Variants in CDK13 observed in about 807,000 individuals in gnomAD.
The protein encoded by CDK13 is cyclin-dependent kinase 13.
Under a neutral mutation model 137.6 loss-of-function variants are expected in CDK13, and 40 were observed. That is an observed-to-expected ratio of 0.29 (90% CI 0.23 to 0.38). The LOEUF (loss-of-function observed/expected upper bound fraction) is 0.38. Among genes scored for constraint, CDK13 ranks in the 10% least tolerant of loss-of-function variants. The pLI, the probability that CDK13 is intolerant of heterozygous loss-of-function variation, is 1.00. For synonymous variants in CDK13, 869 were observed against 760.1 expected (o/e 1.14, Z -2.36); for missense variants, 1,704 against 1,951.8 (o/e 0.87, Z 2.39).
chr7:39,982,008 C>CT (rs1226391240), intron 1 of CDK13, among the ~76,000 whole-genome samples: 90 of 143,572 alleles, frequency 6.3e-4, no homozygotes, highest in Middle Eastern at 3.6e-3. Flanking sequence ...TTCTTTTTTT[C>CT]TTTTTTTTTA....
chr7:39,962,649 C>G (rs893878353), intron 1 of CDK13, among the ~76,000 whole-genome samples: 1 of 152,072 alleles, frequency 6.6e-6, no homozygotes, highest in Non-Finnish European at 1.5e-5. Context: ...AGATCCCGTT[C>G]GTCAATTTTG....
intron 1 of CDK13, among the ~76,000 whole-genome samples, chr7:39,982,017 T>TA (rs1166549065): frequency 6.6e-6 from 1 of 150,674 alleles, no homozygotes; most frequent in Non-Finnish European, 1.5e-5. Flanking sequence ...TCTTTTTTTT[T>TA]AATTATTATT....
At chr7:39,961,496 C>G (rs1397638958) in intron 1 of CDK13, among the ~76,000 whole-genome samples, 2 of 152,124 alleles carry the variant, frequency 1.3e-5, no homozygotes, top group Non-Finnish European at 1.5e-5. Flanking sequence ...ATCTCCCTTT[C>G]CCTATACACT....
At chr7:40,018,917 G>C (rs1785057357) in intron 5 of CDK13, among the ~76,000 whole-genome samples, 1 of 152,072 alleles carries the variant, frequency 6.6e-6, no homozygotes, top group Admixed American at 6.5e-5. Context: ...ATCAGGACTA[G>C]ATATAGCTAC....
At chr7:40,031,329 C>T (rs1785373193) in intron 5 of CDK13, among the ~76,000 whole-genome samples, 1 of 152,050 alleles carries the variant, frequency 6.6e-6, no homozygotes, top group Admixed American at 6.6e-5. Context: ...CAAGACCAGC[C>T]CGGCCAACAT....
intron 5 of CDK13, among the ~76,000 whole-genome samples, chr7:40,040,795 T>TAC (rs910604737): frequency 2.0e-5 from 3 of 152,216 alleles, no homozygotes; most frequent in African/African-American, 7.2e-5. Context: ...CTATTATATG[T>TAC]AATATTCTAC....
chr7:40,078,895 A>G (rs763456696), intron 11 of CDK13, 44 bp downstream of exon 11: 46 of 743,490 alleles, frequency 6.2e-5, no homozygotes, highest in Non-Finnish European at 7.3e-5. Flanking sequence ...TTATTATTAT[A>G]TTTATTATAT....
At chr7:40,053,037 A>C (rs2150521039) in intron 7 of CDK13, among the ~76,000 whole-genome samples, 1 of 152,344 alleles carries the variant, frequency 6.6e-6, no homozygotes, top group East Asian at 1.9e-4. Flanking sequence ...GATCTCATTT[A>C]GATCATTGAC....
chr7:39,950,848 C>CGCAGCCGCCGCCGCCGCG lies in CDK13; in HGVS notation c.210_227dup (p.Ala71_Ala76dup). On this transcript the variant is annotated inframe_insertion, in exon 1 of 14. Coordinates refer to ENST00000181839, the MANE Select transcript of CDK13 (RefSeq NM_003718.5). ...TGGCTGCTCCCGGCACGGCCGCCGC[C>CGCAGCCGCCGCCGCCGCG]GCAGCCGCCGCCGCCGCGGCCTCCT... 4 of 1,373,920 alleles carry CGCAGCCGCCGCCGCCGCG rather than the reference C, an allele frequency of 2.9e-6. No individual in the cohort carries two copies. The highest frequency in any genetic ancestry group is 3.7e-6 in the Non-Finnish European group (4 of 1,074,516). The allele number at this position is 1,373,920 out of a possible 1,614,324, so 85.1% of individuals were successfully genotyped here. A position where few individuals can be genotyped will look rare whatever the true frequency, so the allele number is the denominator to read the frequency against.
intron 5 of CDK13, among the ~76,000 whole-genome samples, chr7:40,013,425 TA>T (rs1366671418): frequency 1.3e-5 from 2 of 152,134 alleles, no homozygotes; most frequent in African/African-American, 4.8e-5. Flanking sequence ...CGCCACAATT[TA>T]AAAAAATTAA....
At chr7:40,091,077 G>A (rs533521368) in intron 12 of CDK13, among the ~76,000 whole-genome samples, 36 of 152,300 alleles carry the variant, frequency 2.4e-4, no homozygotes, top group African/African-American at 8.7e-4. Flanking sequence ...CGGGCATGGT[G>A]GCTCACGCCT....
Position 39,963,845 on chromosome 7 carries a change from G to GT in CDK13, c.1211+11994dup, listed in dbSNP as rs527915217. On this transcript the variant is annotated intron_variant, in intron 1 of 13. Coordinates refer to ENST00000181839, the MANE Select transcript of CDK13 (RefSeq NM_003718.5). ...TTAGCATGAAGCATTGTTGAATTTTGTCAAAGGCCTTTTCTGCATCTATTG... is the reference window on the plus strand; with the variant it reads ...TTAGCATGAAGCATTGTTGAATTTTGTTCAAAGGCCTTTTCTGCATCTATTG... Among the ~76,000 whole-genome samples the GT allele has an allele frequency of 2.4e-3, 365 of 152,214 alleles. 1 individual carries two copies. The highest frequency in any genetic ancestry group is 3.9e-3 in the Non-Finnish European group (266 of 68,014).
At chr7:40,046,164 A>G (rs1785735233) in intron 6 of CDK13, 139 bp downstream of exon 6, 2 of 558,158 alleles carry the variant, frequency 3.6e-6, no homozygotes, top group Non-Finnish European at 6.2e-6. Context: ...TACAGTGTCC[A>G]ACGTTTGGGT....
At chr7:40,077,363 A>G (rs1786568217) in intron 9 of CDK13, among the ~76,000 whole-genome samples, 2 of 151,798 alleles carry the variant, frequency 1.3e-5, no homozygotes, top group Non-Finnish European at 2.9e-5. Flanking sequence ...CATATATTCA[A>G]CTCTAGTTCC....
At chr7:39,993,655 A>C (rs1056241864) in intron 2 of CDK13, among the ~76,000 whole-genome samples, 1 of 152,038 alleles carries the variant, frequency 6.6e-6, no homozygotes, top group Non-Finnish European at 1.5e-5. Context: ...AGATCTTTCC[A>C]TGTTGGTATA....
chr7:40,049,817 A>G (rs1057221217), intron 7 of CDK13, among the ~76,000 whole-genome samples: 7 of 152,132 alleles, frequency 4.6e-5, no homozygotes, highest in Admixed American at 4.6e-4. Flanking sequence ...TTTCACGTAT[A>G]AGTGAAATGA....
chr7:40,090,144 G>T (rs1786889741), intron 12 of CDK13, among the ~76,000 whole-genome samples: 2 of 152,216 alleles, frequency 1.3e-5, no homozygotes, highest in Non-Finnish European at 2.9e-5. Context: ...GTTTTCCCAG[G>T]CAACAGTTGT....
intron 12 of CDK13, among the ~76,000 whole-genome samples, chr7:40,091,393 C>A (rs189061131): frequency 4.0e-5 from 6 of 151,750 alleles, no homozygotes; most frequent in African/African-American, 1.5e-4. Context: ...TGGTGGCACG[C>A]GCCTGTAATC....
At position 40,044,004 on chromosome 7, in the gene CDK13, C is replaced by G. The variant is rs983649131; in HGVS notation, c.2354-1832C>G. Among the ~76,000 whole-genome samples, 3 of 149,990 alleles carry G rather than the reference C, an allele frequency of 2.0e-5. No homozygotes were observed. In the Admixed American group the frequency reaches 2.0e-4, roughly 10 times the overall value. On this transcript the variant is annotated intron_variant, in intron 5 of 13. Transcript: ENST00000181839. ...CTCCACCTCCCTGGTTCAAGTGATT[C>G]TTCTGCCTCAGCCTCTGGAGCAGCT...
Sources: gnomAD v4.1 joint callset for allele counts (sites outside exome capture counted in the v4.1 genomes callset) on GRCh38, gnomAD v4.1.1 for gene constraint, MANE v1.5 for transcripts, NCBI Gene and HGNC (gene_info 2026-07-23, HGNC 2026-07-21) for gene names.